TMED5: variants seen among roughly 807,000 people sequenced by gnomAD.
The protein encoded by TMED5 is transmembrane emp24 domain-containing protein 5.
A neutral mutation model predicts 23.0 loss-of-function variants in TMED5; 27 were observed. That is an observed-to-expected ratio of 1.17 (90% CI 0.86 to 1.62). The LOEUF (loss-of-function observed/expected upper bound fraction) is 1.62. Among genes scored for constraint, TMED5 ranks in the 40% most tolerant of loss-of-function variants. The probability of loss-of-function intolerance (pLI) is 0.00; values close to 1 mark genes in which losing one functional copy is unlikely to be tolerated. For synonymous variants in TMED5, 97 were observed against 100.8 expected (o/e 0.96, Z 0.23); for missense variants, 248 against 273.7 (o/e 0.91, Z 0.66).
At position 93,180,216 on chromosome 1, in the gene TMED5, G is replaced by A; in HGVS notation, c.27C>T (p.Phe9=). 6.2e-7 allele frequency: 1 copy of A among 1,612,584 alleles called. No individual in the cohort carries two copies. Among genetic ancestry groups the A allele is most frequent in the Non-Finnish European group, 8.5e-7 (1 of 1,179,596 alleles). MGDKIWLP[F]PVLLLAALPP... ...GCAGAGCGGCCAGAAGGAGCACGGG[G>A]AAGGGCAGCCAGATCTTGTCGCCCA... Residue 9 remains phenylalanine, a synonymous_variant, in exon 1 of 4, where the codon TTC becomes TTT. Transcript: ENST00000370282.
chr1:93,172,636 A>G (rs1252144598), intron 1 of TMED5, among the ~76,000 whole-genome samples: 3 of 152,192 alleles, frequency 2.0e-5, no homozygotes, highest in African/African-American at 7.2e-5. Context: ...AAGAAAAAAC[A>G]AATTAGTACA....
chr1:93,162,147 C>T (rs1391110344), intron 1 of TMED5: 1 of 150,414 alleles, frequency 6.6e-6, no homozygotes, highest in Non-Finnish European at 1.5e-5. Flanking sequence ...TTTCTTAACA[C>T]TCCATTTTAT....
chr1:93,156,692 A>T lies in TMED5; in HGVS notation c.288-209T>A, dbSNP rs183410896. On this transcript the variant is annotated intron_variant, in intron 2 of 3. Transcript: ENST00000370282. ...ATGGCAAAATCCTGTCTCTACAAAA[A>T]AATAACAAAAATTAGCAGAGTGTGA... 3.9e-5 allele frequency among the ~76,000 whole-genome samples: 6 copies of T among 152,028 alleles called. No homozygotes were observed. The East Asian group carries it at 9.7e-4, about 24-fold the overall frequency.
intron 1 of TMED5, among the ~76,000 whole-genome samples, chr1:93,170,665 T>C (rs1248996079): frequency 6.6e-6 from 1 of 152,352 alleles, no homozygotes; most frequent in Non-Finnish European, 1.5e-5. Flanking sequence ...AGGTGCGGGA[T>C]CCACTGGGTG....
At chr1:93,160,040 G>A in intron 2 of TMED5, 89 bp downstream of exon 2, 1 of 701,058 alleles carries the variant, frequency 1.4e-6, no homozygotes, top group South Asian at 1.7e-5. Flanking sequence ...ATATTGATAT[G>A]TAGTATCAAA....
intron 1 of TMED5, among the ~76,000 whole-genome samples, chr1:93,178,920 T>A (rs1649074206): frequency 6.6e-6 from 1 of 152,176 alleles, no homozygotes; most frequent in Non-Finnish European, 1.5e-5. Flanking sequence ...ATGAAACACA[T>A]CAATGCCTTT....
intron 3 of TMED5, chr1:93,155,962 C>A: frequency 1.4e-6 from 1 of 709,212 alleles, no homozygotes. Flanking sequence ...TTTTCATATG[C>A]CTGCTGTATA....
At chr1:93,178,353 C>G in intron 1 of TMED5, among the ~76,000 whole-genome samples, 1 of 152,182 alleles carries the variant, frequency 6.6e-6, no homozygotes, top group East Asian at 1.9e-4. Flanking sequence ...GTTCGCTTTT[C>G]TGAAATGCCC....
At chr1:93,161,774 C>T (rs1219357972) in intron 1 of TMED5, 1 of 152,088 alleles carries the variant, frequency 6.6e-6, no homozygotes, top group Non-Finnish European at 1.5e-5. Context: ...CTTGTAGGTA[C>T]CTTTATGGAC....
chr1:93,176,386 C>T (rs1241124870), intron 1 of TMED5, among the ~76,000 whole-genome samples: 1 of 152,060 alleles, frequency 6.6e-6, no homozygotes, highest in South Asian at 2.1e-4. Flanking sequence ...AAAATGAAGT[C>T]CTCCTACTGA....
intron 1 of TMED5, among the ~76,000 whole-genome samples, chr1:93,167,020 CT>C (rs1404123803): frequency 6.6e-6 from 1 of 152,112 alleles, no homozygotes; most frequent in Non-Finnish European, 1.5e-5. Flanking sequence ...TGAAGAGACT[CT>C]TTTCCTCAGT....
intron 2 of TMED5, among the ~76,000 whole-genome samples, chr1:93,156,954 G>A (rs1266660792): frequency 6.6e-6 from 1 of 151,920 alleles, no homozygotes; most frequent in African/African-American, 2.4e-5. Flanking sequence ...AAATATATAT[G>A]TTCAAGTACA....
rs531183657 is a variant in TMED5 at position 93,154,762 on chromosome 1, T to C, written c.598A>G (p.Met200Val). 2.0e-5 allele frequency: 32 copies of C among 1,614,082 alleles called. No homozygotes were observed. The highest frequency in any genetic ancestry group is 4.0e-5 in the African/African-American group (3 of 75,032). The change falls in exon 4 of 4, where the codon ATG becomes GTG. Residue 200 changes from methionine (M) to valine (V), a missense_variant. Coordinates refer to ENST00000370282, the MANE Select transcript of TMED5 (RefSeq NM_016040.5). ...SNFDRVNFWS[M>V]VNLVVMVVVS... ...ACCACCATGACCACTAAATTAACCATAGACCAGAAATTGACTCTATCAAAG... is the reference window on the plus strand; with the variant it reads ...ACCACCATGACCACTAAATTAACCACAGACCAGAAATTGACTCTATCAAAG...
intron 1 of TMED5, among the ~76,000 whole-genome samples, chr1:93,171,606 T>G (rs1648737361): frequency 6.6e-6 from 1 of 152,192 alleles, no homozygotes; most frequent in African/African-American, 2.4e-5. Context: ...CCAGACAGTT[T>G]CAATGGTGAA....
At chr1:93,169,882 TACACACACACACACACAC>T (rs59467244) in intron 1 of TMED5, among the ~76,000 whole-genome samples, 3 of 130,500 alleles carry the variant, frequency 2.3e-5, no homozygotes, top group East Asian at 2.4e-4. Context: ...ACCCTGTCTG[TACACACACACACACACAC>T]ACACACACAC....
intron 2 of TMED5, among the ~76,000 whole-genome samples, chr1:93,159,677 T>A (rs201330866): frequency 1.3e-5 from 2 of 149,268 alleles, no homozygotes; most frequent in Non-Finnish European, 1.5e-5. Context: ...GAGGTCTGAA[T>A]AAAAAAAAAA....
chr1:93,179,870 G>A (rs1056101517), intron 1 of TMED5, 184 bp downstream of exon 1: 4 of 574,662 alleles, frequency 7.0e-6, no homozygotes, highest in Non-Finnish European at 1.2e-5. Flanking sequence ...CTAAGTTCTG[G>A]GTCCCCGGCC....
At chr1:93,174,260 G>A (rs1031036846) in intron 1 of TMED5, among the ~76,000 whole-genome samples, 4 of 152,050 alleles carry the variant, frequency 2.6e-5, no homozygotes, top group East Asian at 1.9e-4. Flanking sequence ...GTGAGCCACC[G>A]CACCCAGCTT....
chr1:93,154,506 A>C lies in TMED5; in HGVS notation c.*164T>G. 1.6e-6 allele frequency: 1 copy of C among 606,572 alleles called. No individual in the cohort carries two copies. Among genetic ancestry groups the C allele is most frequent in the Non-Finnish European group, 2.9e-6 (1 of 346,070 alleles). The allele number at this position is 606,572 out of a possible 1,614,324, so 37.6% of individuals were successfully genotyped here. A position where few individuals can be genotyped will look rare whatever the true frequency, so the allele number is the denominator to read the frequency against. ...TAAGTACAACTGGATCAGCAGGATTACTTGCACAGAAAGTGAAGACTTAAT... is the reference window on the plus strand; with the variant it reads ...TAAGTACAACTGGATCAGCAGGATTCCTTGCACAGAAAGTGAAGACTTAAT... On this transcript the variant is annotated 3_prime_UTR_variant, in exon 4 of 4. Transcript: ENST00000370282.
Sources: gnomAD v4.1 joint callset for allele counts (sites outside exome capture counted in the v4.1 genomes callset) on GRCh38, gnomAD v4.1.1 for gene constraint, MANE v1.5 for transcripts, NCBI Gene and HGNC (gene_info 2026-07-23, HGNC 2026-07-21) for gene names.